Variants in RYR2 observed in about 807,000 individuals in gnomAD.
RYR2 encodes the protein ryanodine receptor 2.
A neutral mutation model predicts 601.1 loss-of-function variants in RYR2; 227 were observed. That is an observed-to-expected ratio of 0.38 (90% CI 0.34 to 0.42). The LOEUF (loss-of-function observed/expected upper bound fraction) is 0.42, where lower values mean the gene tolerates loss of function less well. Among genes scored for constraint, RYR2 ranks in the 10% least tolerant of loss-of-function variants. RYR2 has a pLI of 1.00. For synonymous variants in RYR2, 2,223 were observed against 2,175.1 expected (o/e 1.02, Z -0.61); for missense variants, 4,646 against 6,156.5 (o/e 0.75, Z 8.21).
intron 101 of RYR2, among the ~76,000 whole-genome samples, chr1:237,822,490 A>T (rs1258341095): frequency 6.6e-6 from 1 of 151,988 alleles, no homozygotes; most frequent in Admixed American, 6.6e-5. Flanking sequence ...GAGAGATTTT[A>T]TCACCACCAG....
intron 1 of RYR2, among the ~76,000 whole-genome samples, chr1:237,176,237 T>C (rs1460713870): frequency 1.8e-5 from 1 of 54,732 alleles, no homozygotes; most frequent in Non-Finnish European, 5.8e-5. Flanking sequence ...ACTCTGTCTC[T>C]TAATGAAAAA....
intron 1 of RYR2, among the ~76,000 whole-genome samples, chr1:237,182,400 G>T (rs939480253): frequency 6.6e-6 from 1 of 151,946 alleles, no homozygotes; most frequent in South Asian, 2.1e-4. Context: ...GATTACAGGC[G>T]TGAGCCACCG....
At position 237,070,262 on chromosome 1, in the gene RYR2, G is replaced by A. The variant is rs139172373; in HGVS notation, c.48+27693G>A. Among the ~76,000 whole-genome samples, 385 of 151,970 alleles carry A rather than the reference G, an allele frequency of 2.5e-3. 3 individuals carry two copies. Among genetic ancestry groups the A allele is most frequent in the African/African-American group, 9.0e-3 (372 of 41,444 alleles). On this transcript the variant is annotated intron_variant, in intron 1 of 104. Coordinates refer to ENST00000366574, the MANE Select transcript of RYR2 (RefSeq NM_001035.3). ...TTGCAGGCTGACTTGAAGCAAAATT[G>A]GCAGCAAGATCCTCCTGCCTCAGCC...
At chr1:237,552,838 T>A (rs1489470217) in intron 27 of RYR2, among the ~76,000 whole-genome samples, 1 of 152,020 alleles carries the variant, frequency 6.6e-6, no homozygotes, top group African/African-American at 2.4e-5. Context: ...AAGGCTGCTA[T>A]GAATATTCAT....
At chr1:237,561,298 G>A (rs768514285) in intron 27 of RYR2, among the ~76,000 whole-genome samples, 1 of 152,286 alleles carries the variant, frequency 6.6e-6, no homozygotes, top group East Asian at 1.9e-4. Context: ...TGTTTACTAT[G>A]TGCCAGGATA....
intron 1 of RYR2, among the ~76,000 whole-genome samples, chr1:237,172,452 AG>A (rs941812580): frequency 2.0e-5 from 3 of 152,070 alleles, no homozygotes; most frequent in African/African-American, 4.8e-5. Context: ...AAAACAAAAA[AG>A]CTGATAATTT....
chr1:237,237,252 T>A (rs1018913012), intron 1 of RYR2, among the ~76,000 whole-genome samples: 9 of 152,198 alleles, frequency 5.9e-5, no homozygotes, highest in African/African-American at 2.2e-4. Flanking sequence ...ATACAAGTAG[T>A]ATCCTTTGTT....
chr1:237,388,866 T>C (rs1702150390), intron 10 of RYR2, among the ~76,000 whole-genome samples: 1 of 152,196 alleles, frequency 6.6e-6, no homozygotes, highest in South Asian at 2.1e-4. Flanking sequence ...GATGGTTTGT[T>C]ATGTATCTTT....
intron 10 of RYR2, among the ~76,000 whole-genome samples, chr1:237,405,133 A>C (rs1439206041): frequency 6.6e-6 from 1 of 152,188 alleles, no homozygotes; most frequent in Admixed American, 6.5e-5. Context: ...GGGGTAACTG[A>C]TTACACAGGA....
intron 5 of RYR2, among the ~76,000 whole-genome samples, chr1:237,365,412 G>A (rs528031005): frequency 2.0e-5 from 3 of 152,260 alleles, no homozygotes; most frequent in South Asian, 2.1e-4. Context: ...GTGCGAATTC[G>A]GCGTTTTGGA....
At chr1:237,360,737 A>T (rs1699707744) in intron 4 of RYR2, among the ~76,000 whole-genome samples, 1 of 152,200 alleles carries the variant, frequency 6.6e-6, no homozygotes, top group South Asian at 2.1e-4. Context: ...ATGTATTATT[A>T]TGTGTATAAT....
At chr1:237,101,228 T>A (rs1007522539) in intron 1 of RYR2, among the ~76,000 whole-genome samples, 1 of 151,028 alleles carries the variant, frequency 6.6e-6, no homozygotes, top group Non-Finnish European at 1.5e-5. Context: ...GCCATTTTGT[T>A]CTCTTAGGCT....
Position 237,643,442 on chromosome 1 carries a change from C to G in RYR2, c.7337C>G (p.Ala2446Gly). The G allele has an allele frequency of 6.2e-7, 1 of 1,613,718 alleles. No homozygotes were observed. Among genetic ancestry groups the G allele is most frequent in the South Asian group, 1.1e-5 (1 of 91,070 alleles). The change falls in exon 48 of 105, where the codon GCC (alanine) becomes GGC (glycine). Residue 2446 changes from alanine to glycine, a missense_variant. Physicochemically the swap from Ala to Gly is moderately conservative, Grantham distance 60 (BLOSUM62 0). Transcript: ENST00000366574. ...ATCGCTTTTCAGATGCCAACAATAG[C>G]CAAAGGTAAGGCCAACTTCAATTTG... ...ISIAFQMPTI[A>G]KDGNVVEPDM...
intron 37 of RYR2, among the ~76,000 whole-genome samples, chr1:237,615,098 C>A (rs1678326028): frequency 6.6e-6 from 1 of 152,150 alleles, no homozygotes; most frequent in South Asian, 2.1e-4. Context: ...CCCTTTCCAC[C>A]CATATTTCCA....
At chr1:237,336,156 T>C (rs1215522597) in intron 3 of RYR2, among the ~76,000 whole-genome samples, 1 of 152,206 alleles carries the variant, frequency 6.6e-6, no homozygotes, top group Non-Finnish European at 1.5e-5. Flanking sequence ...ATTGTGTACG[T>C]GGAACTTGTT....
chr1:237,163,732 G>C (rs1676306488), intron 1 of RYR2, among the ~76,000 whole-genome samples: 1 of 152,186 alleles, frequency 6.6e-6, no homozygotes, highest in Admixed American at 6.5e-5. Context: ...CTCAGCTTCT[G>C]GAGTGTGTTA....
intron 13 of RYR2, among the ~76,000 whole-genome samples, chr1:237,445,188 AT>A (rs1479841219): frequency 1.3e-5 from 2 of 152,192 alleles, no homozygotes; most frequent in Admixed American, 6.5e-5. Flanking sequence ...TCTCAAAAAA[AT>A]GAAGTAATAA....
rs533236988 is a variant in RYR2 at position 237,283,321 on chromosome 1, C to T, written c.168+12705C>T. On this transcript the variant is annotated intron_variant, in intron 2 of 104. Transcript: ENST00000366574. ...TTTCTCATTCACTTGATCGCTTTTTCTCTTTTTCTTCCTCCCTCCCACGCT... is the reference window on the plus strand; with the variant it reads ...TTTCTCATTCACTTGATCGCTTTTTTTCTTTTTCTTCCTCCCTCCCACGCT... Among the ~76,000 whole-genome samples the T allele has an allele frequency of 2.6e-5, 4 of 152,104 alleles. No homozygotes were observed. The South Asian group carries it at 6.2e-4, about 24-fold the overall frequency.
At chr1:237,506,276 G>A (rs1201194865) in intron 22 of RYR2, among the ~76,000 whole-genome samples, 6 of 151,764 alleles carry the variant, frequency 4.0e-5, no homozygotes, top group African/African-American at 1.2e-4. Context: ...AGTGGCTCAC[G>A]CCTGTAATCC....
Sources: gnomAD v4.1 joint callset for allele counts (sites outside exome capture counted in the v4.1 genomes callset) on GRCh38, gnomAD v4.1.1 for gene constraint, MANE v1.5 for transcripts, NCBI Gene and HGNC (gene_info 2026-07-23, HGNC 2026-07-21) for gene names.